The following ENTPD1 variants were observed in gnomAD, a reference collection of about 807,000 sequenced individuals.
ENTPD1 encodes the protein ectonucleoside triphosphate diphosphohydrolase 1.
In ENTPD1, 33 loss-of-function variants were observed where a neutral mutation model predicts 57.0. The observed-to-expected ratio is 0.58, with a 90% CI of 0.44 to 0.77. The LOEUF (loss-of-function observed/expected upper bound fraction) is 0.77. ENTPD1 is among the 30% of genes least tolerant of loss of function. The probability of loss-of-function intolerance (pLI) is 0.00; values close to 1 mark genes in which losing one functional copy is unlikely to be tolerated. For missense variants in ENTPD1, 501 were observed against 603.4 expected, an observed-to-expected ratio of 0.83 and a Z score of 1.78; for synonymous variants, 202 against 218.8, an observed-to-expected ratio of 0.92 and a Z score of 0.68.
upstream of ENTPD1, among the ~76,000 whole-genome samples, chr10:95,707,040 T>TGGC (rs981152282): frequency 3.3e-5 from 5 of 152,164 alleles, no homozygotes; most frequent in Non-Finnish European, 2.9e-5. Context: ...GCTGCAGAGA[T>TGGC]GGCCGGGTCC....
At chr10:95,695,067 A>C in the ENTPD1 span, among the ~76,000 whole-genome samples, 6,142 of 151,734 alleles carry the variant, frequency 0.04, 178 homozygotes, top group Middle Eastern at 0.11. Context: ...CGCCCGGCTA[A>C]TTTTATTTTT....
At chr10:95,716,846 G>A (rs150034610) in intron 1 of ENTPD1, among the ~76,000 whole-genome samples, 90 of 152,318 alleles carry the variant, frequency 5.9e-4, no homozygotes, top group African/African-American at 2.0e-3. Context: ...CTTGCTGAGC[G>A]TGACAGATGG....
chr10:95,746,640 G>A (rs915910547), intron 1 of ENTPD1, among the ~76,000 whole-genome samples: 5 of 152,138 alleles, frequency 3.3e-5, no homozygotes, highest in African/African-American at 9.7e-5. Context: ...CCACAAGAAG[G>A]GACGGGGCAT....
intron 2 of ENTPD1, among the ~76,000 whole-genome samples, chr10:95,827,125 T>C (rs193160691): frequency 6.6e-6 from 1 of 152,284 alleles, no homozygotes; most frequent in East Asian, 1.9e-4. Flanking sequence ...TGTGGCCCAA[T>C]GCATCCAAAA....
intron 1 of ENTPD1, among the ~76,000 whole-genome samples, chr10:95,766,856 C>T (rs951440957): frequency 2.0e-5 from 3 of 149,432 alleles, no homozygotes; most frequent in Non-Finnish European, 3.0e-5. Context: ...TAACGGACAT[C>T]TTACTTTTAA....
chr10:95,780,797 C>T (rs1353107201), intron 1 of ENTPD1, among the ~76,000 whole-genome samples: 4 of 152,144 alleles, frequency 2.6e-5, no homozygotes, highest in Admixed American at 2.6e-4. Flanking sequence ...AGTCCTTGGT[C>T]AGGGAAGTCT....
chr10:95,755,812 A>G, upstream of ENTPD1: 2 of 1,519,298 alleles, frequency 1.3e-6, no homozygotes, highest in South Asian at 1.2e-5. Context: ...AGTAAGGAAT[A>G]GCTTTTTTTG....
chr10:95,766,594 T>C (rs1420864316), intron 1 of ENTPD1, among the ~76,000 whole-genome samples: 1 of 152,230 alleles, frequency 6.6e-6, no homozygotes, highest in Non-Finnish European at 1.5e-5. Context: ...ACTCTTTTTA[T>C]CTACTTTTTT....
intron 1 of ENTPD1, among the ~76,000 whole-genome samples, chr10:95,799,192 T>A (rs925310649): frequency 8.5e-5 from 13 of 152,228 alleles, no homozygotes; most frequent in Non-Finnish European, 1.6e-4. Context: ...GTCTGTTATA[T>A]AGGCAAACTT....
Position 95,867,806 on chromosome 10 carries a change from G to A in ENTPD1, c.*1423G>A. ...CTGTTGAGCTGATGGGGAAAGAAAA[G>A]CTCTCACACAAACCGGAAGCCAAAT... is the stretch of plus-strand genomic sequence containing the variant. On this transcript the variant is annotated 3_prime_UTR_variant, in exon 10 of 10. Transcript: ENST00000371205. 1.0e-6 allele frequency: 1 copy of A among 985,424 alleles called. No individual in the cohort carries two copies. Among genetic ancestry groups the A allele is most frequent in the Non-Finnish European group, 1.2e-6 (1 of 829,910 alleles). The allele number at this position is 985,424 out of a possible 1,614,324, so 61.0% of individuals were successfully genotyped here.
At chr10:95,845,685 T>C (rs1448769460) in intron 6 of ENTPD1, 89 bp downstream of exon 6, 2 of 1,609,898 alleles carry the variant, frequency 1.2e-6, no homozygotes, top group Non-Finnish European at 1.7e-6. Flanking sequence ...ATTCAGTAGT[T>C]TGTCTGAACT....
chr10:95,852,187 T>C (rs1452019521), intron 7 of ENTPD1, among the ~76,000 whole-genome samples: 1 of 152,254 alleles, frequency 6.6e-6, no homozygotes, highest in African/African-American at 2.4e-5. Flanking sequence ...CCAGTGATGA[T>C]GAGCATTTTT....
chr10:95,793,273 A>G (rs1289083211), intron 1 of ENTPD1, among the ~76,000 whole-genome samples: 1 of 152,218 alleles, frequency 6.6e-6, no homozygotes, highest in African/African-American at 2.4e-5. Context: ...GACGGGAGGC[A>G]TGCTGCCCCT....
rs539480043 is a variant in ENTPD1 at position 95,742,801 on chromosome 10, G to A, written c.37+30808G>A. Among the ~76,000 whole-genome samples the A allele has an allele frequency of 3.3e-5, 5 of 151,966 alleles. No homozygotes were observed. The East Asian group carries it at 5.8e-4, about 18-fold the overall frequency. The stretch of plus-strand genomic sequence containing the variant: ...AAGATGGGCTTCACAAGGGGTTTCC[G>A]GTACAACAGCTGCAGTTAAATATCT... On this transcript the variant is annotated intron_variant, in intron 1 of 9. Transcript: ENST00000453258.
chr10:95,780,859 G>A (rs1391465798), intron 1 of ENTPD1, among the ~76,000 whole-genome samples: 2 of 152,166 alleles, frequency 1.3e-5, no homozygotes, highest in African/African-American at 2.4e-5. Flanking sequence ...TATGTGACAG[G>A]AGTGGACTAA....
rs1331136197 is a variant in ENTPD1, at chr10:95,791,071, T to A, written c.17-32166T>A. On this transcript the variant is annotated intron_variant, in intron 1 of 9. Coordinates refer to ENST00000371205, the MANE Select transcript of ENTPD1 (RefSeq NM_001776.6). The surrounding 1 kb of genome is among the most constrained non-coding windows in gnomAD (Gnocchi z 4.1). Reference sequence around the variant, plus strand: ...TGAGCTGAAACCATAGGTTGACATTTAATTGATACACACAAGGTGAGATTC... The same window carrying A: ...TGAGCTGAAACCATAGGTTGACATTAAATTGATACACACAAGGTGAGATTC... 6.6e-6 allele frequency among the ~76,000 whole-genome samples: 1 copy of A among 152,222 alleles called. No individual in the cohort carries two copies.
At chr10:95,761,281 T>A (rs2098060952) in intron 1 of ENTPD1, among the ~76,000 whole-genome samples, 2 of 152,204 alleles carry the variant, frequency 1.3e-5, no homozygotes, top group Non-Finnish European at 2.9e-5. Context: ...TGTGTGCATA[T>A]GTTCTGAAGC....
chr10:95,778,218 C>T (rs2098142058), intron 1 of ENTPD1, among the ~76,000 whole-genome samples: 1 of 152,306 alleles, frequency 6.6e-6, no homozygotes, highest in African/African-American at 2.4e-5. Flanking sequence ...AATCACCTGT[C>T]TTCTTTGTCA....
At chr10:95,816,017 T>C (rs1420135158) in intron 1 of ENTPD1, among the ~76,000 whole-genome samples, 1 of 152,196 alleles carries the variant, frequency 6.6e-6, no homozygotes, top group Non-Finnish European at 1.5e-5. Context: ...GTTTAGGAAG[T>C]TGTGTGCATG....
Sources: gnomAD v4.1 joint callset for allele counts (sites outside exome capture counted in the v4.1 genomes callset) on GRCh38, gnomAD v4.1.1 for gene constraint, Gnocchi (gnomAD v3.1) non-coding constraint, MANE v1.5 for transcripts, NCBI Gene and HGNC (gene_info 2026-07-23, HGNC 2026-07-21) for gene names.